The following PCDH15 variants were observed in gnomAD, a reference collection of about 807,000 sequenced individuals.
The protein encoded by PCDH15 is protocadherin-15.
A neutral mutation model predicts 178.5 loss-of-function variants in PCDH15; 129 were observed. That is an observed-to-expected ratio of 0.72 (90% confidence interval 0.63 to 0.84). The LOEUF is 0.84. Ranked by LOEUF, PCDH15 falls within the 40% of genes least tolerant of loss-of-function variation. The pLI is 0.00. For synonymous variants in PCDH15, 800 were observed against 732.0 expected, an observed-to-expected ratio of 1.09 and a Z score of -1.50; for missense variants, 2,230 against 2,099.9, an observed-to-expected ratio of 1.06 and a Z score of -1.21.
At chr10:54,108,663 C>T (rs1406105900) in intron 15 of PCDH15, among the ~76,000 whole-genome samples, 1 of 152,090 alleles carries the variant, frequency 6.6e-6, no homozygotes, top group East Asian at 1.9e-4. Context: ...GCTGGAGCAG[C>T]TAAGGGAGTG....
At chr10:55,217,611 T>C (rs1840743442) in intron 1 of PCDH15, among the ~76,000 whole-genome samples, 1 of 151,912 alleles carries the variant, frequency 6.6e-6, no homozygotes, top group Admixed American at 6.6e-5. Context: ...GACATTATAT[T>C]CATAATGCTG....
intron 8 of PCDH15, among the ~76,000 whole-genome samples, chr10:54,316,557 C>T (rs1346326289): frequency 1.9e-5 from 2 of 106,892 alleles, no homozygotes; most frequent in East Asian, 4.0e-4. Flanking sequence ...CACACACACA[C>T]ACACACACAC....
intron 2 of PCDH15, among the ~76,000 whole-genome samples, chr10:55,379,594 C>T (rs1276430255): frequency 6.6e-6 from 1 of 151,880 alleles, no homozygotes; most frequent in Admixed American, 6.6e-5. Context: ...AAGTAATTCA[C>T]CCAAGGCTAC....
chr10:54,464,231 T>C (rs919476801), intron 3 of PCDH15, among the ~76,000 whole-genome samples: 1 of 152,100 alleles, frequency 6.6e-6, no homozygotes, highest in African/African-American at 2.4e-5. Flanking sequence ...GCATTACAAA[T>C]TTTAATAAAA....
chr10:55,198,118 T>G (rs1395781080), intron 1 of PCDH15, among the ~76,000 whole-genome samples: 1 of 152,086 alleles, frequency 6.6e-6, no homozygotes, highest in Non-Finnish European at 1.5e-5. Context: ...CATGGTTGGT[T>G]ATGAAGTGTC....
intron 18 of PCDH15, among the ~76,000 whole-genome samples, chr10:54,045,154 A>G (rs2093630395): frequency 6.6e-6 from 1 of 152,110 alleles, no homozygotes; most frequent in African/African-American, 2.4e-5. Context: ...TTTTCTTGAT[A>G]AGAAGACTAG....
chr10:55,128,073 C>T (rs1227214812), intron 2 of PCDH15, among the ~76,000 whole-genome samples: 11 of 151,296 alleles, frequency 7.3e-5, no homozygotes, highest in Admixed American at 2.0e-4. Flanking sequence ...AGTGTAGATA[C>T]TGGATTCCTA....
intron 2 of PCDH15, among the ~76,000 whole-genome samples, chr10:55,527,243 G>T (rs531496601): frequency 2.8e-4 from 42 of 152,024 alleles, no homozygotes; most frequent in Non-Finnish European, 3.1e-4. Flanking sequence ...GAAACATATT[G>T]TCTCACAGTT....
intron 2 of PCDH15, among the ~76,000 whole-genome samples, chr10:55,388,234 C>A (rs572965403): frequency 5.1e-4 from 78 of 152,032 alleles, no homozygotes; most frequent in Non-Finnish European, 8.7e-4. Context: ...ATTGGGACTT[C>A]TTCCCCATAT....
chr10:54,723,885 C>G (rs1459810998), intron 1 of PCDH15, among the ~76,000 whole-genome samples: 2 of 151,516 alleles, frequency 1.3e-5, no homozygotes, highest in African/African-American at 4.8e-5. Context: ...AGTCAAAAAA[C>G]AAGAGATGTT....
At chr10:54,948,942 CTTTTT>C (rs1216100045) in intron 2 of PCDH15, among the ~76,000 whole-genome samples, 2 of 151,884 alleles carry the variant, frequency 1.3e-5, no homozygotes, top group South Asian at 4.2e-4. Flanking sequence ...GCCTTGGTCT[CTTTTT>C]TTAAGATTCC....
chr10:53,825,048 C>G (rs547467632), intron 32 of PCDH15: 1 of 1,374,786 alleles, frequency 7.3e-7, no homozygotes, highest in Admixed American at 3.4e-5. Flanking sequence ...ATGAAGATCA[C>G]TGTATTTACA....
intron 2 of PCDH15, among the ~76,000 whole-genome samples, chr10:54,620,347 C>T (rs1480992296): frequency 6.6e-6 from 1 of 151,900 alleles, no homozygotes; most frequent in Non-Finnish European, 1.5e-5. Context: ...AAATCTGATA[C>T]AATGGATTTA....
Position 54,438,723 on chromosome 10 carries a change from G to T in PCDH15, c.158-59781C>A, listed in dbSNP as rs1337127267. Reference sequence around the variant, plus strand: ...GGTTCCATTGCAGGATGGGTGCAATGCTGAGTGCCAGCAGGGGAGGAATAT... The same window carrying T: ...GGTTCCATTGCAGGATGGGTGCAATTCTGAGTGCCAGCAGGGGAGGAATAT... On this transcript the variant is annotated intron_variant, in intron 3 of 37. Coordinates refer to ENST00000644397, the MANE Select transcript of PCDH15 (RefSeq NM_001384140.1). 2.0e-5 allele frequency among the ~76,000 whole-genome samples: 3 copies of T among 152,044 alleles called. No individual in the cohort carries two copies. The South Asian group carries it at 6.2e-4, about 32-fold the overall frequency.
intron 2 of PCDH15, among the ~76,000 whole-genome samples, chr10:54,643,698 G>C (rs1029537366): frequency 1.3e-5 from 2 of 149,464 alleles, no homozygotes; most frequent in African/African-American, 2.5e-5. Context: ...TATAGATTCA[G>C]AAAAATATTC....
At chr10:54,367,675 G>C (rs1947012915) in intron 5 of PCDH15, among the ~76,000 whole-genome samples, 1 of 151,890 alleles carries the variant, frequency 6.6e-6, no homozygotes, top group Non-Finnish European at 1.5e-5. Context: ...GGGGGTAGGA[G>C]AGGGATAGCA....
intron 1 of PCDH15, among the ~76,000 whole-genome samples, chr10:54,778,092 A>G (rs574931725): frequency 1.3e-5 from 2 of 152,344 alleles, no homozygotes; most frequent in South Asian, 4.1e-4. Context: ...TGAAATTGCC[A>G]TATGCAAGAT....
At chr10:54,079,673 A>G (rs889635967) in intron 16 of PCDH15, among the ~76,000 whole-genome samples, 1 of 152,208 alleles carries the variant, frequency 6.6e-6, no homozygotes, top group Non-Finnish European at 1.5e-5. Context: ...GAAACAAAAC[A>G]TAACAAAACT....
Position 55,289,583 on chromosome 10 carries a change from C to T in PCDH15, c.-156+30016G>A, listed in dbSNP as rs180830491. ...AGAAGAAAACATTACTCTAGAGCTT[C>T]TCAAACTGGCATCTTATGGACCCCT... On this transcript the variant is annotated intron_variant, in intron 1 of 5. Coordinates refer to the PCDH15 transcript ENST00000458638. Among the ~76,000 whole-genome samples the T allele has an allele frequency of 4.6e-5, 7 of 152,048 alleles. No homozygotes were observed. The East Asian group carries it at 1.4e-3, about 29-fold the overall frequency.
Sources: gnomAD v4.1 joint callset for allele counts (sites outside exome capture counted in the v4.1 genomes callset) on GRCh38, gnomAD v4.1.1 for gene constraint, MANE v1.5 for transcripts, NCBI Gene and HGNC (gene_info 2026-07-23, HGNC 2026-07-21) for gene names.